SCN11A: variants seen among roughly 807,000 people sequenced by gnomAD.
SCN11A encodes sodium voltage-gated channel alpha subunit 11.
A neutral mutation model predicts 162.2 loss-of-function variants in SCN11A; 122 were observed. That is an observed-to-expected ratio of 0.75 (90% CI 0.65 to 0.87). The LOEUF is 0.87. SCN11A is among the 40% of genes least tolerant of loss of function. SCN11A has a pLI of 0.00. For synonymous variants in SCN11A, 758 were observed against 751.5 expected, an observed-to-expected ratio of 1.01 and a Z score of -0.14; for missense variants, 2,015 against 2,181.6, an observed-to-expected ratio of 0.92 and a Z score of 1.52.
chr3:38,896,407 G>C (rs1257350009), intron 18 of SCN11A, among the ~76,000 whole-genome samples: 1 of 152,170 alleles, frequency 6.6e-6, no homozygotes, highest in Non-Finnish European at 1.5e-5. Flanking sequence ...CTCATGATCT[G>C]GCTTTTCCAG....
chr3:39,016,327 C>G (rs2031287582), intron 2 of SCN11A, among the ~76,000 whole-genome samples: 1 of 152,272 alleles, frequency 6.6e-6, no homozygotes, highest in African/African-American at 2.4e-5. Context: ...CAGGGGTGAT[C>G]CCCCAGAGAA....
chr3:39,025,451 C>G (rs1336646782), intron 2 of SCN11A, among the ~76,000 whole-genome samples: 1 of 152,190 alleles, frequency 6.6e-6, no homozygotes, highest in African/African-American at 2.4e-5. Flanking sequence ...ATTGTTACTT[C>G]TTGATTATAT....
chr3:38,954,882 G>A (rs1003195421), intron 3 of SCN11A, among the ~76,000 whole-genome samples: 4 of 152,026 alleles, frequency 2.6e-5, no homozygotes, highest in Admixed American at 6.6e-5. Flanking sequence ...CCAGCCACTC[G>A]GGAGGCTGAG....
intron 2 of SCN11A, among the ~76,000 whole-genome samples, chr3:38,971,070 A>G (rs527713077): frequency 2.0e-5 from 3 of 152,148 alleles, no homozygotes; most frequent in Non-Finnish European, 4.4e-5. Flanking sequence ...CAGAGACGTA[A>G]GTGTCTGATG....
intron 18 of SCN11A, among the ~76,000 whole-genome samples, chr3:38,896,118 A>G (rs1166045465): frequency 6.6e-6 from 1 of 152,210 alleles, no homozygotes; most frequent in Admixed American, 6.5e-5. Context: ...CAGCAGGCCA[A>G]TTATGACATG....
chr3:38,974,126 C>G (rs1306184297), intron 2 of SCN11A, among the ~76,000 whole-genome samples: 1 of 151,862 alleles, frequency 6.6e-6, no homozygotes, highest in African/African-American at 2.4e-5. Flanking sequence ...AATGTAAAAA[C>G]TAATAGAAAA....
Position 38,921,087 on chromosome 3 carries a change from G to A in SCN11A, c.881C>T (p.Pro294Leu), listed in dbSNP as rs759807932. The change falls in exon 10 of 30, where the codon CCG becomes CTG. Residue 294 changes from proline to leucine, a missense_variant. Pro to Leu is a moderately conservative substitution (Grantham distance 98). Coordinates refer to ENST00000302328, the MANE Select transcript of SCN11A (RefSeq NM_001349253.2). ...GGTTGGGTATTTACCATAAGCTTCC[G>A]GGTTACTGATATTTTTACAGTCCCT... is the stretch of plus-strand genomic sequence containing the variant. Reference protein sequence around the residue: ...ISRDCKNISNPEAYDHCFEKK... With the variant: ...ISRDCKNISNLEAYDHCFEKK... The A allele has an allele frequency of 5.5e-5, 89 of 1,613,798 alleles. No homozygotes were observed. The Middle Eastern group carries it at 9.9e-4, about 18-fold the overall frequency.
At chr3:38,905,071 G>A (rs779315787) in intron 15 of SCN11A, 121 bp downstream of exon 15, 603 of 1,258,410 alleles carry the variant, frequency 4.8e-4, no homozygotes, top group Non-Finnish European at 6.4e-4. Context: ...TTGCAGGATG[G>A]TACAGTGGGT....
intron 16 of SCN11A, among the ~76,000 whole-genome samples, chr3:38,902,846 T>A (rs1307397394): frequency 6.6e-6 from 1 of 151,332 alleles, no homozygotes; most frequent in Non-Finnish European, 1.5e-5. Flanking sequence ...GTAAAACAAA[T>A]TTTTTAAAGA....
intron 2 of SCN11A, among the ~76,000 whole-genome samples, chr3:38,995,803 A>G (rs899268570): frequency 2.2e-5 from 3 of 135,150 alleles, no homozygotes; most frequent in Admixed American, 7.1e-5. Context: ...TAAATTGTCT[A>G]TCTATCTATC....
At chr3:38,895,641 C>T (rs1304330579) in intron 18 of SCN11A, among the ~76,000 whole-genome samples, 3 of 152,162 alleles carry the variant, frequency 2.0e-5, no homozygotes, top group South Asian at 2.1e-4. Flanking sequence ...CAATAGACAG[C>T]CTTTGGAGAG....
intron 29 of SCN11A, among the ~76,000 whole-genome samples, chr3:38,848,678 T>C (rs902296957): frequency 6.6e-6 from 1 of 152,228 alleles, no homozygotes; most frequent in Non-Finnish European, 1.5e-5. Flanking sequence ...ACCTCCTCTA[T>C]GAATATTTCT....
intron 2 of SCN11A, among the ~76,000 whole-genome samples, chr3:39,032,012 T>G (rs1468893174): frequency 6.6e-6 from 1 of 152,010 alleles, no homozygotes; most frequent in Non-Finnish European, 1.5e-5. Context: ...AAACCAAAAA[T>G]GGTTATACAA....
intron 1 of SCN11A, among the ~76,000 whole-genome samples, chr3:39,032,843 A>G (rs1384578223): frequency 6.6e-6 from 1 of 152,186 alleles, no homozygotes; most frequent in African/African-American, 2.4e-5. Flanking sequence ...CATTTTACAG[A>G]TAAAGAAATT....
chr3:38,981,523 TTGTGTGTGTGTGTTTGTGTG>T (rs2030044045), intron 2 of SCN11A, among the ~76,000 whole-genome samples: 1 of 133,872 alleles, frequency 7.5e-6, no homozygotes, highest in Non-Finnish European at 1.5e-5. Context: ...TGTTTCTGTG[TTGTGTGTGTGTGTTTGTGTG>T]TGTGTGTGTG....
At chr3:38,851,385 C>T (rs1246569903) in intron 28 of SCN11A, among the ~76,000 whole-genome samples, 1 of 152,128 alleles carries the variant, frequency 6.6e-6, no homozygotes, top group Non-Finnish European at 1.5e-5. Context: ...TTAATTTATA[C>T]TATAACTGAG....
intron 2 of SCN11A, among the ~76,000 whole-genome samples, chr3:38,979,669 A>G (rs2029946332): frequency 6.6e-6 from 1 of 152,228 alleles, no homozygotes; most frequent in Non-Finnish European, 1.5e-5. Flanking sequence ...CCAAGTCTGC[A>G]TAGTGTTTCT....
At position 38,909,094 on chromosome 3, in the gene SCN11A, A is replaced by G. The variant is rs1227490604; in HGVS notation, c.1202T>C (p.Met401Thr). The change falls in exon 13 of 30, where the codon ATG (methionine) becomes ACG (threonine). Residue 401 changes from methionine (M) to threonine (T), a missense_variant. Coordinates refer to ENST00000302328, the MANE Select transcript of SCN11A (RefSeq NM_001349253.2). ...LINLTLAVVTMAYEEQNKNVA... is the reference protein window; with the variant it reads ...LINLTLAVVTTAYEEQNKNVA... ...ATTCTTGTTCTGCTCCTCATATGCC[A>G]TGGTAACAACAGCCAGGGTTAAGTT... The G allele has an allele frequency of 3.1e-6, 5 of 1,613,974 alleles. No individual in the cohort carries two copies. The African/African-American group carries it at 4.0e-5, about 13-fold the overall frequency.
Position 39,021,053 on chromosome 3 carries a change from A to T in SCN11A, c.-280+11327T>A, listed in dbSNP as rs115472600. Among the ~76,000 whole-genome samples, 1,213 of 152,148 alleles carry T rather than the reference A, an allele frequency of 8.0e-3. 18 individuals are homozygous for T. The highest frequency in any genetic ancestry group is 0.028 in the African/African-American group (1,167 of 41,476). ...CATAAGATCTGTTAAAAAAAAAAAT[A>T]AGCTTATGCACATTAAAATTTTAAT... On this transcript the variant is annotated intron_variant, in intron 2 of 29. Transcript: ENST00000302328.
Sources: allele counts gnomAD v4.1 joint callset (sites outside exome capture counted in the v4.1 genomes callset), GRCh38; gene constraint gnomAD v4.1.1; transcripts MANE v1.5; gene names NCBI Gene and HGNC (gene_info 2026-07-23, HGNC 2026-07-21).